The following CADM2 variants were observed in gnomAD, a reference collection of about 807,000 sequenced individuals.
CADM2 encodes the protein immunoglobulin superfamily member 4D.
In CADM2, 12 loss-of-function variants were observed where a neutral mutation model predicts 49.8. The observed-to-expected ratio is 0.24, with a 90% CI of 0.15 to 0.39. CADM2 has a LOEUF of 0.39. CADM2 is among the 10% of genes least tolerant of loss of function. The pLI is 1.00. For synonymous variants in CADM2, 214 were observed against 175.4 expected, an observed-to-expected ratio of 1.22 and a Z score of -1.74; for missense variants, 378 against 492.3, an observed-to-expected ratio of 0.77 and a Z score of 2.20.
At chr3:85,563,274 A>G (rs1297100442) in intron 1 of CADM2, among the ~76,000 whole-genome samples, 9 of 152,102 alleles carry the variant, frequency 5.9e-5, no homozygotes. Flanking sequence ...ACTGATTTTC[A>G]GAAATTGAAT....
intron 1 of CADM2, among the ~76,000 whole-genome samples, chr3:85,254,331 T>C (rs901010334): frequency 1.3e-5 from 2 of 152,048 alleles, no homozygotes; most frequent in African/African-American, 4.8e-5. Flanking sequence ...CCAGAAGCTC[T>C]TTAAACCTAG....
intron 6 of CADM2, among the ~76,000 whole-genome samples, chr3:85,927,042 A>G (rs924425560): frequency 1.3e-5 from 2 of 152,196 alleles, no homozygotes; most frequent in Non-Finnish European, 2.9e-5. Context: ...ATTCTGTACA[A>G]TGAGGAGAGC....
intron 6 of CADM2, among the ~76,000 whole-genome samples, chr3:85,931,227 A>C (rs1720545747): frequency 6.6e-6 from 1 of 152,008 alleles, no homozygotes; most frequent in African/African-American, 2.4e-5. Context: ...GAAGAAAGAA[A>C]GAAGAAAGAA....
At chr3:85,608,716 G>C (rs1006579167) in intron 1 of CADM2, among the ~76,000 whole-genome samples, 3 of 152,096 alleles carry the variant, frequency 2.0e-5, no homozygotes, top group African/African-American at 7.2e-5. Context: ...TACTCTCTAG[G>C]ATAATTGAAG....
intron 3 of CADM2, among the ~76,000 whole-genome samples, chr3:85,864,155 T>C (rs985804573): frequency 1.3e-5 from 2 of 152,182 alleles, no homozygotes; most frequent in African/African-American, 4.8e-5. Context: ...AGTTTTATCA[T>C]GATTGTTATT....
At chr3:85,643,145 A>T (rs993794071) in intron 1 of CADM2, among the ~76,000 whole-genome samples, 3 of 152,158 alleles carry the variant, frequency 2.0e-5, no homozygotes, top group African/African-American at 7.2e-5. Flanking sequence ...ACTGTTGACC[A>T]TAAAAATGGA....
At chr3:85,521,053 A>C (rs2061016797) in intron 1 of CADM2, among the ~76,000 whole-genome samples, 2 of 152,152 alleles carry the variant, frequency 1.3e-5, no homozygotes, top group Non-Finnish European at 2.9e-5. Flanking sequence ...TTTCCTATGT[A>C]AACTCATAAA....
intron 1 of CADM2, among the ~76,000 whole-genome samples, chr3:84,983,828 C>G (rs1227424088): frequency 6.6e-6 from 1 of 152,030 alleles, no homozygotes; most frequent in Non-Finnish European, 1.5e-5. Context: ...AATTTCAATA[C>G]ACAACACAAG....
chr3:85,815,353 A>G (rs1235921459), intron 3 of CADM2, among the ~76,000 whole-genome samples: 6 of 152,160 alleles, frequency 3.9e-5, no homozygotes, highest in Non-Finnish European at 8.8e-5. Flanking sequence ...TCAATAAAAT[A>G]CTGGCAAACT....
intron 1 of CADM2, among the ~76,000 whole-genome samples, chr3:85,713,886 G>A (rs1464037012): frequency 2.0e-5 from 3 of 152,116 alleles, no homozygotes; most frequent in Non-Finnish European, 2.9e-5. Context: ...CTTAGTTTTA[G>A]GCAATTATGA....
rs568099479 is a variant in CADM2 at position 85,467,950 on chromosome 3, C to G, written c.62-258572C>G. Among the ~76,000 whole-genome samples the G allele has an allele frequency of 8.0e-4, 122 of 151,910 alleles. 2 individuals carry two copies. Among genetic ancestry groups the G allele is most frequent in the Non-Finnish European group, 1.5e-3 (103 of 67,924 alleles). The stretch of plus-strand genomic sequence containing the variant: ...CGGGCGGATCACGAGGTCAGGAGAT[C>G]GAGACCATCCCGGCTAAAACGGTGA... On this transcript the variant is annotated intron_variant, in intron 1 of 9. Coordinates refer to ENST00000383699, the MANE Select transcript of CADM2 (RefSeq NM_001167675.2).
At chr3:85,381,689 T>G (rs9824840) in intron 1 of CADM2, among the ~76,000 whole-genome samples, 117,000 of 151,530 alleles carry the variant, frequency 0.77, 47,427 homozygotes, top group East Asian at 0.95. Context: ...GTTTATACAC[T>G]ATCCACCTCC....
intron 1 of CADM2, among the ~76,000 whole-genome samples, chr3:85,550,703 G>T (rs1447523983): frequency 6.6e-6 from 1 of 152,088 alleles, no homozygotes; most frequent in Non-Finnish European, 1.5e-5. Flanking sequence ...TCACCAAAAT[G>T]TTTCCATTAC....
intron 1 of CADM2, among the ~76,000 whole-genome samples, chr3:85,478,933 TTTTTA>T (rs199758053): frequency 2.6e-5 from 4 of 151,804 alleles, no homozygotes; most frequent in East Asian, 3.9e-4. Context: ...TGAAGTTTTG[TTTTTA>T]TTTTATTTTA....
chr3:85,692,481 A>G (rs1178943191), intron 1 of CADM2, among the ~76,000 whole-genome samples: 1 of 152,234 alleles, frequency 6.6e-6, no homozygotes, highest in African/African-American at 2.4e-5. Context: ...TCATGTAGCT[A>G]GGTGAAGAAA....
chr3:85,658,598 A>G (rs1328384398), intron 1 of CADM2, among the ~76,000 whole-genome samples: 3 of 139,500 alleles, frequency 2.2e-5, no homozygotes, highest in Non-Finnish European at 3.1e-5. Flanking sequence ...ATATATATAT[A>G]TATATATATA....
At chr3:85,287,276 C>T (rs2043656342) in intron 1 of CADM2, among the ~76,000 whole-genome samples, 1 of 151,484 alleles carries the variant, frequency 6.6e-6, no homozygotes, top group Non-Finnish European at 1.5e-5. Flanking sequence ...ACTTTATGTC[C>T]ATACTTTTTT....
chr3:85,155,353 A>G (rs1485157713), intron 1 of CADM2, among the ~76,000 whole-genome samples: 1 of 151,592 alleles, frequency 6.6e-6, no homozygotes, highest in Non-Finnish European at 1.5e-5. Context: ...AGGCCATTAC[A>G]TAATGGTAAA....
At chr3:85,101,255 A>AAAAC (rs1213045757) in intron 1 of CADM2, among the ~76,000 whole-genome samples, 11 of 152,102 alleles carry the variant, frequency 7.2e-5, no homozygotes, top group African/African-American at 2.7e-4. Flanking sequence ...CTTCGTCTCA[A>AAAAC]AAACAAACAA....
Sources: allele counts gnomAD v4.1 joint callset (sites outside exome capture counted in the v4.1 genomes callset), GRCh38; gene constraint gnomAD v4.1.1; transcripts MANE v1.5; gene names NCBI Gene and HGNC (gene_info 2026-07-23, HGNC 2026-07-21).